Variants in UPF2 observed in about 807,000 individuals in gnomAD.
UPF2 encodes the protein UPF2 regulator of nonsense mediated mRNA decay.
In UPF2, 17 loss-of-function variants were observed where a neutral mutation model predicts 141.4. The ratio of observed to expected loss-of-function variants is 0.12; its 90% CI spans 0.08 to 0.18. The LOEUF (loss-of-function observed/expected upper bound fraction) is 0.18. UPF2 is among the 10% of genes least tolerant of loss of function. The pLI, the probability that UPF2 is intolerant of heterozygous loss-of-function variation, is 1.00. For synonymous variants in UPF2, 540 were observed against 498.0 expected (o/e 1.08, Z -1.12); for missense variants, 1,152 against 1,515.9 (o/e 0.76, Z 3.99).
rs1449045055 is a variant in UPF2 at position 11,920,336 on chromosome 10, G to A, written c.*962C>T. On this transcript the variant is annotated 3_prime_UTR_variant, in exon 22 of 22. Coordinates refer to ENST00000357604, the MANE Select transcript of UPF2 (RefSeq NM_015542.4). ...TAAGGACCCTCATTTCTATTTAGTG[G>A]GGGAAAACAAAAAAAAAAACAAAAC... The A allele has an allele frequency of 2.3e-5, 2 of 87,874 alleles. No individual in the cohort carries two copies. The highest frequency in any genetic ancestry group is 5.2e-5 in the Non-Finnish European group (2 of 38,554). The allele number at this position is 87,874 out of a possible 1,614,324, so 5.4% of individuals were successfully genotyped here. A position where few individuals can be genotyped will look rare whatever the true frequency, so the allele number is the denominator to read the frequency against.
At chr10:11,970,049 A>G (rs1241923894) in intron 9 of UPF2, among the ~76,000 whole-genome samples, 1 of 152,218 alleles carries the variant, frequency 6.6e-6, no homozygotes, top group Non-Finnish European at 1.5e-5. Context: ...TGAAAGAGCA[A>G]AAGTTCTAGA....
intron 9 of UPF2, among the ~76,000 whole-genome samples, chr10:11,975,729 C>G (rs1181341053): frequency 6.6e-6 from 1 of 151,522 alleles, no homozygotes; most frequent in Admixed American, 6.6e-5. Context: ...GTTGGTCAGG[C>G]TGGTCTCGAA....
At chr10:11,928,435 C>G (rs536795308) in intron 21 of UPF2, among the ~76,000 whole-genome samples, 2 of 152,124 alleles carry the variant, frequency 1.3e-5, no homozygotes, top group Non-Finnish European at 2.9e-5. Context: ...AGAGGCCGGG[C>G]GCAGTGGCTC....
rs112417958 is a variant in UPF2, at chr10:11,921,423, G to A, written c.3810-116C>T. Reference sequence around the variant, plus strand: ...AAGTCACTCCCCCAAGTTACAGGTGGCCCTGGCATCTGCGGGTTCCACATC... The same window carrying A: ...AAGTCACTCCCCCAAGTTACAGGTGACCCTGGCATCTGCGGGTTCCACATC... On this transcript the variant is annotated intron_variant, in intron 21 of 21. Coordinates refer to ENST00000357604, the MANE Select transcript of UPF2 (RefSeq NM_015542.4). This position sits in a 1 kb window ranked among gnomAD's most constrained non-coding sequence, Gnocchi z 5.9. 3.8e-6 allele frequency: 5 copies of A among 1,332,896 alleles called. No individual in the cohort carries two copies. The Admixed American group carries it at 5.7e-5, about 15-fold the overall frequency. 82.6% of individuals were successfully genotyped at this position (1,332,896 alleles called of 1,614,324 possible).
At position 11,920,664 on chromosome 10, in the gene UPF2, G is replaced by T; in HGVS notation, c.*634C>A. 1 of 243,308 alleles carries T rather than the reference G, an allele frequency of 4.1e-6. No homozygotes were observed. Among genetic ancestry groups the T allele is most frequent in the South Asian group, 5.6e-5 (1 of 17,986 alleles). 15.1% of individuals were successfully genotyped at this position (243,308 alleles called of 1,614,324 possible). ...GCAATTTTATAGCACTGACTCTGAT[G>T]GATAAAACGGATTTTTCTCCCTCAT... On this transcript the variant is annotated 3_prime_UTR_variant, in exon 22 of 22. Coordinates refer to ENST00000357604, the MANE Select transcript of UPF2 (RefSeq NM_015542.4).
At position 12,014,992 on chromosome 10, in the gene UPF2, C is replaced by T. The variant is rs1834192732; in HGVS notation, c.1146-808G>A. On this transcript the variant is annotated intron_variant, in intron 3 of 21. Transcript: ENST00000357604. This position sits in a 1 kb window ranked among gnomAD's most constrained non-coding sequence, Gnocchi z 5.0. The stretch of plus-strand genomic sequence containing the variant: ...ACCAATAAGCCCCTAACTACAAATG[C>T]AAAACTACTGAAAACACCAAAATGT... Among the ~76,000 whole-genome samples, 1 of 152,204 alleles carries T rather than the reference C, an allele frequency of 6.6e-6. No homozygotes were observed. The highest frequency in any genetic ancestry group is 2.4e-5 in the African/African-American group (1 of 41,532).
At chr10:12,033,115 T>C (rs975799613) in intron 2 of UPF2, among the ~76,000 whole-genome samples, 1 of 152,018 alleles carries the variant, frequency 6.6e-6, no homozygotes, top group African/African-American at 2.4e-5. Context: ...TTTTAAATTA[T>C]ATATTTGGCC....
In UPF2 at chr10:12,014,294, A is replaced by G. The variant is rs1431358204; in HGVS notation, c.1146-110T>C. ...GATTTTCTCATACAAATTTAGTAAAATCTTCATTTTTATTTAACATTTGAA... is the reference window on the plus strand; with the variant it reads ...GATTTTCTCATACAAATTTAGTAAAGTCTTCATTTTTATTTAACATTTGAA... On this transcript the variant is annotated intron_variant, in intron 3 of 21. Coordinates refer to ENST00000357604, the MANE Select transcript of UPF2 (RefSeq NM_015542.4). The surrounding 1 kb of genome is among the most constrained non-coding windows in gnomAD (Gnocchi z 5.0). The G allele has an allele frequency of 9.3e-7, 1 of 1,076,632 alleles. No individual in the cohort carries two copies. Among genetic ancestry groups the G allele is most frequent in the African/African-American group, 1.6e-5 (1 of 61,202 alleles). 66.7% of individuals were successfully genotyped at this position (1,076,632 alleles called of 1,614,324 possible). A position where few individuals can be genotyped will look rare whatever the true frequency, so the allele number is the denominator to read the frequency against.
At chr10:11,963,523 AGAG>A (rs1833272877) in intron 11 of UPF2, among the ~76,000 whole-genome samples, 1 of 152,186 alleles carries the variant, frequency 6.6e-6, no homozygotes, top group African/African-American at 2.4e-5. Flanking sequence ...GTGTTTGTAG[AGAG>A]GAGGTCTCAC....
intron 9 of UPF2, among the ~76,000 whole-genome samples, chr10:11,976,031 G>A (rs1833502044): frequency 6.6e-6 from 1 of 152,154 alleles, no homozygotes; most frequent in Admixed American, 6.6e-5. Flanking sequence ...TAGGGCTCTT[G>A]AAATCTAGTG....
chr10:11,956,317 T>C lies in UPF2; in HGVS notation c.2574+3A>G, dbSNP rs1374210665. ...GTGTGACATTAAAGGAAGTCTTGTT[T>C]ACCTCCATTCCTAATCGAATATCTT... On this transcript the variant is annotated splice_donor_region_variant and intron_variant, in intron 13 of 21. Transcript: ENST00000357604. The surrounding 1 kb of genome is among the most constrained non-coding windows in gnomAD (Gnocchi z 4.2). 1 of 1,613,858 alleles carries C rather than the reference T, an allele frequency of 6.2e-7. No homozygotes were observed.
rs151212681 is a variant in UPF2, at chr10:12,033,203, A to C, written c.365+1856T>G. Reference sequence around the variant, plus strand: ...AGGATCGCTTGAGCTCAGCAATTACAGACTAACTTAGAAAAAAAAGAAAGA... The same window carrying C: ...AGGATCGCTTGAGCTCAGCAATTACCGACTAACTTAGAAAAAAAAGAAAGA... On this transcript the variant is annotated intron_variant, in intron 2 of 21. Transcript: ENST00000357604. 3.9e-3 allele frequency among the ~76,000 whole-genome samples: 588 copies of C among 152,278 alleles called. 2 individuals are homozygous for C. Among genetic ancestry groups the C allele is most frequent in the African/African-American group, 0.014 (566 of 41,548 alleles).
Position 11,943,178 on chromosome 10 carries a change from T to A in UPF2, c.3175-10A>T. On this transcript the variant is annotated splice_polypyrimidine_tract_variant and intron_variant, in intron 16 of 21. Transcript: ENST00000357604. ...CATTATCAGAACCCTCCTGAAATTA[T>A]TGAACATTAGAAGATTAAATAACTT... 4 of 1,586,968 alleles carry A rather than the reference T, an allele frequency of 2.5e-6. No individual in the cohort carries two copies. The highest frequency in any genetic ancestry group is 3.4e-6 in the Non-Finnish European group (4 of 1,161,044).
chr10:12,016,957 T>C lies in UPF2; in HGVS notation c.1146-2773A>G, dbSNP rs1206566223. On this transcript the variant is annotated intron_variant, in intron 3 of 21. Coordinates refer to ENST00000357604, the MANE Select transcript of UPF2 (RefSeq NM_015542.4). The surrounding 1 kb of genome is among the most constrained non-coding windows in gnomAD (Gnocchi z 4.1). The stretch of plus-strand genomic sequence containing the variant: ...ATCATTTGAACTCGGAAGGCAGAGG[T>C]TGCAGTGAGCTGAGATTGCACCATT... Among the ~76,000 whole-genome samples the C allele has an allele frequency of 6.8e-6, 1 of 146,240 alleles. No homozygotes were observed. Among genetic ancestry groups the C allele is most frequent in the South Asian group, 2.2e-4 (1 of 4,608 alleles).
intron 19 of UPF2, among the ~76,000 whole-genome samples, chr10:11,933,913 A>G (rs962034756): frequency 6.6e-6 from 1 of 152,250 alleles, no homozygotes. Flanking sequence ...TCCTGTGCCA[A>G]TGTAACAGCA....
chr10:11,999,512 C>CAAAAAAAA (rs1325502291), intron 7 of UPF2, among the ~76,000 whole-genome samples: 1 of 100,398 alleles, frequency 1.0e-5, no homozygotes, highest in African/African-American at 5.0e-5. Flanking sequence ...GACTCCATCT[C>CAAAAAAAA]AAAAAAAAAA....
intron 1 of UPF2, among the ~76,000 whole-genome samples, chr10:12,041,956 G>A (rs1049022003): frequency 2.6e-5 from 4 of 152,182 alleles, no homozygotes; most frequent in Admixed American, 1.3e-4. Context: ...GCTCTGCTCT[G>A]CCAACCTGGG....
In UPF2 at chr10:12,019,094, G is replaced by T. The variant is rs1441186351; in HGVS notation, c.1146-4910C>A. ...ACATATTTTAATTATTGCCTTTTTA[G>T]AAATACATCAATTACATAAAGCTGA... On this transcript the variant is annotated intron_variant, in intron 3 of 21. Coordinates refer to ENST00000357604, the MANE Select transcript of UPF2 (RefSeq NM_015542.4). This position sits in a 1 kb window ranked among gnomAD's most constrained non-coding sequence, Gnocchi z 4.5. 1.3e-5 allele frequency among the ~76,000 whole-genome samples: 2 copies of T among 152,082 alleles called. No homozygotes were observed. Among genetic ancestry groups the T allele is most frequent in the African/African-American group, 4.8e-5 (2 of 41,398 alleles).
intron 1 of UPF2, among the ~76,000 whole-genome samples, chr10:12,039,107 C>A (rs368880144): frequency 5.9e-5 from 9 of 152,122 alleles, no homozygotes; most frequent in African/African-American, 2.2e-4. Context: ...ACTCATGGTA[C>A]CATACTAAAC....
Sources: allele counts gnomAD v4.1 joint callset (sites outside exome capture counted in the v4.1 genomes callset), GRCh38; gene constraint gnomAD v4.1.1; non-coding constraint Gnocchi (gnomAD v3.1); transcripts MANE v1.5; gene names NCBI Gene and HGNC (gene_info 2026-07-23, HGNC 2026-07-21).